The following NEB variants were observed in gnomAD, a reference collection of about 807,000 sequenced individuals.
NEB encodes the protein nebulin.
NEB carries 512 observed loss-of-function variants against 952.2 expected under a neutral mutation model. The ratio of observed to expected loss-of-function variants is 0.54; its 90% CI spans 0.50 to 0.58. The LOEUF is 0.58. Among genes scored for constraint, NEB ranks in the 20% least tolerant of loss-of-function variants. The probability of loss-of-function intolerance (pLI) is 0.00; values close to 1 mark genes in which losing one functional copy is unlikely to be tolerated. For missense variants in NEB, 8,428 were observed against 9,231.1 expected (o/e 0.91, Z 3.56); for synonymous variants, 2,900 against 3,149.8 (o/e 0.92, Z 2.66).
chr2:151,534,359 T>A, intron 142 of NEB: 1 of 1,551,802 alleles, frequency 6.4e-7, no homozygotes, highest in Non-Finnish European at 8.9e-7. Flanking sequence ...AGAGTACAAC[T>A]TCAAGGCTAC....
chr2:151,671,880 C>T (rs2099302293), intron 37 of NEB, among the ~76,000 whole-genome samples: 1 of 152,046 alleles, frequency 6.6e-6, no homozygotes, highest in Non-Finnish European at 1.5e-5. Context: ...CCTTTCCATG[C>T]AACTCTCCAT....
intron 151 of NEB, among the ~76,000 whole-genome samples, chr2:151,524,862 T>G (rs888455654): frequency 6.6e-6 from 1 of 151,758 alleles, no homozygotes; most frequent in African/African-American, 2.4e-5. Context: ...GAGACAGGGT[T>G]TCACCATATT....
rs772668982 is a variant in NEB, at chr2:151,710,446, A to G, written c.915T>C (p.Asp305=). ...CTTCCCACTTAACTGTGCTAATGTT[A>G]TCAGCATTCATTCTGGCATTTGCAA... ...FEVANARMNA[D]NISTRKYQED... The change falls in exon 11 of 182, where the codon GAT becomes GAC. Residue 305 remains aspartate, a synonymous_variant. Transcript: ENST00000397345. 9.3e-6 allele frequency: 15 copies of G among 1,611,054 alleles called. No homozygotes were observed. The highest frequency in any genetic ancestry group is 1.1e-5 in the Non-Finnish European group (13 of 1,177,496).
At chr2:151,706,468 T>C (rs2099706756) in intron 13 of NEB, among the ~76,000 whole-genome samples, 1 of 152,160 alleles carries the variant, frequency 6.6e-6, no homozygotes, top group Non-Finnish European at 1.5e-5. Flanking sequence ...TGTGAAGACT[T>C]AGGGGCCCAT....
rs567045621 is a variant in NEB at position 151,654,030 on chromosome 2, C to T, written c.6877G>A (p.Val2293Ile). ...TCTCTTGAAGCTTTAGCTAGCTGTACAGAAATTGCATCAACTGGGAGATCA... is the reference window on the plus strand; with the variant it reads ...TCTCTTGAAGCTTTAGCTAGCTGTATAGAAATTGCATCAACTGGGAGATCA... ...GYDLPVDAIS[V>I]QLAKASRDIA... The change falls in exon 52 of 182, where the codon GTA becomes ATA. Residue 2293 changes from valine (V) to isoleucine (I), a missense_variant. This residue lies in a region of NEB where 2,851 missense variants were observed against 2,791.5 expected (regional missense o/e 1.02). Transcript: ENST00000397345. 4 of 1,612,666 alleles carry T rather than the reference C, an allele frequency of 2.5e-6. No homozygotes were observed. In the South Asian group the frequency reaches 4.4e-5, roughly 18 times the overall value.
intron 141 of NEB, among the ~76,000 whole-genome samples, chr2:151,536,218 T>C (rs890209873): frequency 6.6e-6 from 1 of 152,192 alleles, no homozygotes; most frequent in Non-Finnish European, 1.5e-5. Context: ...AGCTAACACA[T>C]ATTTACTGAT....
intron 113 of NEB, among the ~76,000 whole-genome samples, chr2:151,567,836 A>G (rs2096470900): frequency 6.6e-6 from 1 of 151,096 alleles, no homozygotes. Context: ...AATTTGAACA[A>G]TTGCTTTTAA....
At chr2:151,637,683 T>A (rs991552289) in intron 63 of NEB, among the ~76,000 whole-genome samples, 2 of 152,174 alleles carry the variant, frequency 1.3e-5, no homozygotes, top group African/African-American at 2.4e-5. Flanking sequence ...CCAGAAATGC[T>A]GACTAGCTAG....
rs775823432 is a variant in NEB, at chr2:151,485,783, C to T, written c.25555G>A (p.Ala8519Thr). The T allele has an allele frequency of 4.9e-5, 79 of 1,611,884 alleles. No homozygotes were observed. Among genetic ancestry groups the T allele is most frequent in the Non-Finnish European group, 6.1e-5 (72 of 1,178,402 alleles). Residue 8519 changes from alanine to threonine, a missense_variant, in exon 182 of 182, where the codon GCC becomes ACC. Physicochemically the swap from Ala to Thr is moderately conservative, Grantham distance 58. Coordinates refer to ENST00000397345, the MANE Select transcript of NEB (RefSeq NM_001164508.2). ...GCCTAAATAGCTTCAACGTAGTTGG[C>T]TGGGAGCATTCCGGTCCTGCCAGTC... is the stretch of plus-strand genomic sequence containing the variant. ...QRTGRTGMLP[A>T]NYVEAI
chr2:151,656,550 T>C, intron 48 of NEB, 86 bp from the exon 49 acceptor site: 2 of 713,016 alleles, frequency 2.8e-6, no homozygotes, highest in Non-Finnish European at 2.0e-6. Flanking sequence ...TATTTTTGTA[T>C]AATTATAAAA....
Position 151,727,813 on chromosome 2 carries a change from C to G in NEB, c.172G>C (p.Ala58Pro). 6.3e-7 allele frequency: 1 copy of G among 1,599,104 alleles called. No homozygotes were observed. The highest frequency in any genetic ancestry group is 8.5e-7 in the Non-Finnish European group (1 of 1,173,986). ...SKPALAQPAL[A>P]QPASAKPVER... ...ACCGGCTTTGCTGATGCTGGCTGTG[C>G]CAGTGCTGGCTGTGCCAGAGCTGGT... The change falls in exon 5 of 182, where the codon GCA (alanine) becomes CCA (proline). Residue 58 changes from alanine (A) to proline (P), a missense_variant. Transcript: ENST00000397345.
intron 5 of NEB, among the ~76,000 whole-genome samples, chr2:151,727,105 A>G (rs1466857398): frequency 6.6e-6 from 1 of 152,056 alleles, no homozygotes; most frequent in Non-Finnish European, 1.5e-5. Flanking sequence ...AACAAATTAA[A>G]CTAGAATGGC....
At chr2:151,542,875 C>G (rs972862078) in intron 135 of NEB, among the ~76,000 whole-genome samples, 9 of 152,176 alleles carry the variant, frequency 5.9e-5, no homozygotes, top group African/African-American at 1.7e-4. Context: ...TCTTTATAAC[C>G]TGGCTCCAAC....
Position 151,650,738 on chromosome 2 carries a change from T to C in NEB, c.7063A>G (p.Thr2355Ala), listed in dbSNP as rs1429560424. 1 of 1,613,828 alleles carries C rather than the reference T, an allele frequency of 6.2e-7. No homozygotes were observed. Among genetic ancestry groups the C allele is most frequent in the Non-Finnish European group, 8.5e-7 (1 of 1,179,874 alleles). Residue 2355 changes from threonine to alanine, a missense_variant, in exon 53 of 182, where the codon ACT becomes GCT. Transcript: ENST00000397345. The part of the protein sequence containing the change: ...EYKKDFEKWK[T>A]KFSSPVDMLG... ...ATGTCCACTGGGCTGGAGAACTTAGTTTTCCACTTCTCAAAGTCCTTCTTG... is the reference window on the plus strand; with the variant it reads ...ATGTCCACTGGGCTGGAGAACTTAGCTTTCCACTTCTCAAAGTCCTTCTTG...
chr2:151,519,040 A>G lies in NEB; in HGVS notation c.22620T>C (p.Leu7540=). 1.9e-6 allele frequency: 3 copies of G among 1,613,472 alleles called. No individual in the cohort carries two copies. Among genetic ancestry groups the G allele is most frequent in the Non-Finnish European group, 2.5e-6 (3 of 1,179,498 alleles). ...EVKYKADLKK[L]HKPVTDMKES... ...CCTTCATGTCAGTCACGGGTTTGTG[A>G]AGTTTCTTCAGGTCAGCCTTGTATT... The change falls in exon 155 of 182, where the codon CTT becomes CTC. Residue 7540 remains leucine, a synonymous_variant. Transcript: ENST00000397345.
At chr2:151,488,117 A>C (rs1034658634) in intron 181 of NEB, among the ~76,000 whole-genome samples, 1 of 152,020 alleles carries the variant, frequency 6.6e-6, no homozygotes, top group Non-Finnish European at 1.5e-5. Context: ...ATCTATTCTT[A>C]GTCTTCCAAG....
At chr2:151,497,750 C>T (rs770935721) in intron 170 of NEB, 32 bp from the exon 171 acceptor site, 1 of 1,554,410 alleles carries the variant, frequency 6.4e-7, no homozygotes, top group East Asian at 2.4e-5. Context: ...AGAAAAACAA[C>T]CATGAGTAAC....
At chr2:151,670,942 A>G (rs755768805) in intron 38 of NEB, 81 bp downstream of exon 38, 149 of 1,412,106 alleles carry the variant, frequency 1.1e-4, no homozygotes, top group Admixed American at 2.0e-4. Context: ...ATCCTCACAC[A>G]TTGAATTAAG....
intron 150 of NEB, 44 bp from the exon 151 acceptor site, chr2:151,525,317 A>G: frequency 1.4e-6 from 2 of 1,399,352 alleles, no homozygotes. Context: ...GGAAGCTGGG[A>G]ACAGAGTTGG....
Sources: allele counts gnomAD v4.1 joint callset (sites outside exome capture counted in the v4.1 genomes callset), GRCh38; gene constraint gnomAD v4.1.1; regional missense constraint gnomAD v4.1.1; transcripts MANE v1.5; gene names NCBI Gene and HGNC (gene_info 2026-07-23, HGNC 2026-07-21).